TMPRSS11D: variants seen among roughly 807,000 people sequenced by gnomAD.
TMPRSS11D encodes the protein transmembrane protease serine 11D.
A neutral mutation model predicts 44.4 loss-of-function variants in TMPRSS11D; 32 were observed. The observed-to-expected ratio is 0.72, with a 90% CI of 0.54 to 0.97. The LOEUF is 0.97. TMPRSS11D is among the 50% of genes least tolerant of loss of function. The pLI, the probability that TMPRSS11D is intolerant of heterozygous loss-of-function variation, is 0.00. For synonymous variants in TMPRSS11D, 179 were observed against 177.9 expected (o/e 1.01, Z -0.05); for missense variants, 446 against 502.6 (o/e 0.89, Z 1.08).
chr4:67,876,747 G>A (rs1233667115), intron 1 of TMPRSS11D, among the ~76,000 whole-genome samples: 2 of 152,128 alleles, frequency 1.3e-5, no homozygotes, highest in African/African-American at 4.8e-5. Context: ...GTGCTCTATA[G>A]ATACAGTGCT....
chr4:67,843,289 AG>A (rs1244585611), intron 3 of TMPRSS11D, among the ~76,000 whole-genome samples: 15 of 151,994 alleles, frequency 9.9e-5, no homozygotes, highest in Admixed American at 9.2e-4. Flanking sequence ...AGTGGGGAAG[AG>A]GGGAAAAGAG....
Position 67,827,491 on chromosome 4 carries a change from G to A in TMPRSS11D, c.722C>T (p.Thr241Met), listed in dbSNP as rs374458233. 22 of 1,608,398 alleles carry A rather than the reference G, an allele frequency of 1.4e-5. No homozygotes were observed. The highest frequency in any genetic ancestry group is 1.2e-4 in the South Asian group (11 of 90,278). The change falls in exon 8 of 10, where the codon ACG (threonine) becomes ATG (methionine). Residue 241 changes from threonine to methionine, a missense_variant. Physicochemically the swap from Thr to Met is moderately conservative, Grantham distance 81 (BLOSUM62 -1). Transcript: ENST00000283916. ...SNSNPRDWIA[T>M]SGISTTFPKL... Reference sequence around the variant, plus strand: ...AGGAAATGTTGTGGAAATACCAGACGTGGCAATCCAGTCACGAGGATTAGA... The same window carrying A: ...AGGAAATGTTGTGGAAATACCAGACATGGCAATCCAGTCACGAGGATTAGA...
intron 2 of TMPRSS11D, among the ~76,000 whole-genome samples, chr4:67,858,497 C>T (rs1345844597): frequency 1.3e-5 from 2 of 152,128 alleles, no homozygotes; most frequent in Non-Finnish European, 2.9e-5. Flanking sequence ...ATAACCTTTA[C>T]ATTTGATTGG....
chr4:67,838,729 T>A (rs10022268), intron 4 of TMPRSS11D, among the ~76,000 whole-genome samples: 120,830 of 151,996 alleles, frequency 0.79, 51,390 homozygotes, highest in East Asian at 1. Flanking sequence ...TACTATAAAT[T>A]TTAGCTATTC....
At chr4:67,883,384 CAGAG>C (rs926893198) in intron 1 of TMPRSS11D, among the ~76,000 whole-genome samples, 1 of 151,780 alleles carries the variant, frequency 6.6e-6, no homozygotes, top group African/African-American at 2.4e-5. Context: ...AAAAGAAAAC[CAGAG>C]AGAGATTATT....
intron 1 of TMPRSS11D, among the ~76,000 whole-genome samples, chr4:67,866,932 A>T (rs1718938342): frequency 6.6e-6 from 1 of 152,024 alleles, no homozygotes; most frequent in Admixed American, 6.6e-5. Flanking sequence ...AATTCAATTA[A>T]ATCCCTATCA....
intron 5 of TMPRSS11D, among the ~76,000 whole-genome samples, 169 bp from the exon 6 acceptor site, chr4:67,835,290 C>T (rs544955403): frequency 6.6e-6 from 1 of 152,184 alleles, no homozygotes; most frequent in East Asian, 1.9e-4. Flanking sequence ...CCTGCTGAAA[C>T]GATCTCTAAC....
intron 8 of TMPRSS11D, 32 bp from the exon 9 acceptor site, chr4:67,825,906 C>T (rs557599449): frequency 6.3e-7 from 1 of 1,592,272 alleles, no homozygotes; most frequent in African/African-American, 1.3e-5. Context: ...AAAAAATGGA[C>T]TTCAAGATGT....
chr4:67,837,908 A>G, intron 5 of TMPRSS11D: 1 of 265,756 alleles, frequency 3.8e-6, no homozygotes, highest in Non-Finnish European at 6.9e-6. Context: ...ATCTGACAGT[A>G]ACATCACTCA....
Position 67,825,632 on chromosome 4 carries a change from T to C in TMPRSS11D, c.1095+100A>G, listed in dbSNP as rs1049232059. 3.9e-6 allele frequency: 5 copies of C among 1,287,774 alleles called. No individual in the cohort carries two copies. In the African/African-American group the frequency reaches 5.9e-5, roughly 15 times the overall value. The allele number at this position is 1,287,774 out of a possible 1,614,324, so 79.8% of individuals were successfully genotyped here. On this transcript the variant is annotated intron_variant, in intron 9 of 9. Coordinates refer to ENST00000283916, the MANE Select transcript of TMPRSS11D (RefSeq NM_004262.3). ...TAAATTTTAGAGGAACAGGGCTGTGTATTGTAACTGTTACACTTATGTCTA... is the reference window on the plus strand; with the variant it reads ...TAAATTTTAGAGGAACAGGGCTGTGCATTGTAACTGTTACACTTATGTCTA...
intron 3 of TMPRSS11D, among the ~76,000 whole-genome samples, chr4:67,843,079 AG>A (rs1467825862): frequency 6.6e-6 from 1 of 150,708 alleles, no homozygotes; most frequent in Non-Finnish European, 1.5e-5. Flanking sequence ...CTTGAAGAGA[AG>A]GGGAGAAGGA....
At chr4:67,881,796 A>T (rs1719325871) in intron 1 of TMPRSS11D, among the ~76,000 whole-genome samples, 1 of 152,194 alleles carries the variant, frequency 6.6e-6, no homozygotes. Context: ...GCACAGACAA[A>T]AGGGAAGAAA....
At chr4:67,837,564 T>C (rs1043394587) in intron 5 of TMPRSS11D, among the ~76,000 whole-genome samples, 2 of 152,174 alleles carry the variant, frequency 1.3e-5, no homozygotes, top group African/African-American at 4.8e-5. Context: ...TAGCAGAATG[T>C]AACCAACTTG....
At chr4:67,842,707 G>T in intron 3 of TMPRSS11D, 82 bp from the exon 4 acceptor site, 1 of 1,248,452 alleles carries the variant, frequency 8.0e-7, no homozygotes, top group Non-Finnish European at 1.1e-6. Flanking sequence ...CATGAGACAT[G>T]TTAATGAGGA....
At chr4:67,830,338 A>T (rs1296317090) in intron 7 of TMPRSS11D, among the ~76,000 whole-genome samples, 1 of 151,992 alleles carries the variant, frequency 6.6e-6, no homozygotes, top group Non-Finnish European at 1.5e-5. Flanking sequence ...AGGAAAAAAA[A>T]TTAAAATGAG....
At chr4:67,863,347 GA>G (rs1225851418) in intron 1 of TMPRSS11D, among the ~76,000 whole-genome samples, 4 of 123,232 alleles carry the variant, frequency 3.2e-5, no homozygotes, top group Non-Finnish European at 6.9e-5. Flanking sequence ...AAAAAAAAAA[GA>G]AAAGAAAAGT....
chr4:67,859,194 C>G (rs1486193130), intron 2 of TMPRSS11D, among the ~76,000 whole-genome samples: 2 of 151,916 alleles, frequency 1.3e-5, no homozygotes, highest in African/African-American at 2.4e-5. Context: ...ATGATTTTAT[C>G]AGGTTATCAA....
intron 7 of TMPRSS11D, among the ~76,000 whole-genome samples, chr4:67,832,107 G>A (rs1280325113): frequency 2.0e-5 from 3 of 152,028 alleles, no homozygotes; most frequent in Non-Finnish European, 4.4e-5. Context: ...TCATAGGTAG[G>A]GAAATGTAGG....
intron 7 of TMPRSS11D, among the ~76,000 whole-genome samples, chr4:67,829,750 T>G (rs955341979): frequency 3.3e-5 from 5 of 151,894 alleles, no homozygotes; most frequent in African/African-American, 1.2e-4. Context: ...TCAAAACAGC[T>G]CTTAGATATA....
Sources: gnomAD v4.1 joint callset for allele counts (sites outside exome capture counted in the v4.1 genomes callset) on GRCh38, gnomAD v4.1.1 for gene constraint, MANE v1.5 for transcripts, NCBI Gene and HGNC (gene_info 2026-07-23, HGNC 2026-07-21) for gene names.